The following DOK5 variants were observed in gnomAD, a reference collection of about 807,000 sequenced individuals.
DOK5 encodes the protein docking protein 5.
DOK5 carries 27 observed loss-of-function variants against 43.3 expected under a neutral mutation model. The ratio of observed to expected loss-of-function variants is 0.62; its 90% confidence interval spans 0.46 to 0.86. The LOEUF (loss-of-function observed/expected upper bound fraction) is 0.86. DOK5 is among the 40% of genes least tolerant of loss of function. DOK5 has a pLI of 0.00. For missense variants in DOK5, 373 were observed against 392.9 expected, an observed-to-expected ratio of 0.95 and a Z score of 0.43; for synonymous variants, 146 against 140.1, an observed-to-expected ratio of 1.04 and a Z score of -0.30.
chr20:54,479,776 A>G (rs1271680953), intron 1 of DOK5, among the ~76,000 whole-genome samples: 1 of 152,114 alleles, frequency 6.6e-6, no homozygotes, highest in Non-Finnish European at 1.5e-5. Flanking sequence ...TGGATGACTC[A>G]CAGACCTGCT....
intron 6 of DOK5, among the ~76,000 whole-genome samples, chr20:54,637,855 G>A (rs1264295841): frequency 2.6e-5 from 4 of 152,314 alleles, no homozygotes; most frequent in Non-Finnish European, 4.4e-5. Flanking sequence ...GGGCGCGGTG[G>A]CTCACGCCTG....
chr20:54,620,262 A>G (rs1447532318), intron 6 of DOK5, among the ~76,000 whole-genome samples: 1 of 152,180 alleles, frequency 6.6e-6, no homozygotes, highest in African/African-American at 2.4e-5. Flanking sequence ...ATTTTGAGAC[A>G]GAGTCTTGCT....
At position 54,643,563 on chromosome 20, in the gene DOK5, C is replaced by G. The variant is rs1979228426; in HGVS notation, c.841C>G (p.Leu281Val). Reference protein sequence around the residue: ...HITRQHSTGQLYRLQDVSSPL... With the variant: ...HITRQHSTGQVYRLQDVSSPL... The stretch of plus-strand genomic sequence containing the variant: ...CACACGGCAGCACAGCACGGGACAG[C>G]TCTACCGCTTGCAAGGTAAGCGTGG... The change falls in exon 7 of 8, where the codon CTC becomes GTC. Residue 281 changes from leucine to valine, a missense_variant. Coordinates refer to ENST00000262593, the MANE Select transcript of DOK5 (RefSeq NM_018431.5). 2 of 1,612,940 alleles carry G rather than the reference C, an allele frequency of 1.2e-6. No homozygotes were observed. Among genetic ancestry groups the G allele is most frequent in the Non-Finnish European group, 1.7e-6 (2 of 1,179,964 alleles).
chr20:54,601,782 C>A (rs1986305916), intron 5 of DOK5, among the ~76,000 whole-genome samples: 1 of 152,238 alleles, frequency 6.6e-6, no homozygotes, highest in Non-Finnish European at 1.5e-5. Context: ...ATAAGGTGTG[C>A]TAATCCTCCA....
chr20:54,589,294 C>A (rs1030081756), intron 4 of DOK5, among the ~76,000 whole-genome samples: 5 of 151,986 alleles, frequency 3.3e-5, no homozygotes, highest in Admixed American at 6.6e-5. Flanking sequence ...TTTGGTCATG[C>A]CTTTTTCACT....
intron 1 of DOK5, among the ~76,000 whole-genome samples, chr20:54,514,384 A>T (rs1462118015): frequency 6.6e-6 from 1 of 152,204 alleles, no homozygotes; most frequent in Non-Finnish European, 1.5e-5. Context: ...GTTTTCAGAC[A>T]GAAGAGGAAT....
intron 6 of DOK5, among the ~76,000 whole-genome samples, chr20:54,622,108 C>A (rs968616597): frequency 1.3e-5 from 2 of 151,778 alleles, no homozygotes; most frequent in Non-Finnish European, 2.9e-5. Context: ...GCAGGAGTAT[C>A]GCTTGAACCC....
chr20:54,650,619 A>T lies in DOK5; in HGVS notation c.*140A>T. On this transcript the variant is annotated 3_prime_UTR_variant, in exon 8 of 8. Coordinates refer to ENST00000262593, the MANE Select transcript of DOK5 (RefSeq NM_018431.5). The stretch of plus-strand genomic sequence containing the variant: ...TGGCTAATTGTGTGGTCATTGGAAA[A>T]CTCTGCAATACAATAATTTTCTTTA... 8 of 620,612 alleles carry T rather than the reference A, an allele frequency of 1.3e-5. No individual in the cohort carries two copies. Among genetic ancestry groups the T allele is most frequent in the Non-Finnish European group, 1.6e-5 (6 of 372,048 alleles). 38.4% of individuals were successfully genotyped at this position (620,612 alleles called of 1,614,324 possible). A position where few individuals can be genotyped will look rare whatever the true frequency, so the allele number is the denominator to read the frequency against.
intron 6 of DOK5, among the ~76,000 whole-genome samples, chr20:54,628,580 G>A (rs998297397): frequency 1.3e-5 from 2 of 152,030 alleles, no homozygotes; most frequent in Non-Finnish European, 2.9e-5. Flanking sequence ...TCAGCACGTG[G>A]TTGCCCCACG....
intron 2 of DOK5, among the ~76,000 whole-genome samples, chr20:54,576,893 G>A (rs978600680): frequency 1.8e-4 from 27 of 152,098 alleles, no homozygotes; most frequent in African/African-American, 6.0e-4. Flanking sequence ...TCGTTTTTTC[G>A]CATTTCCAAG....
chr20:54,496,824 C>A (rs1398755895), intron 1 of DOK5, among the ~76,000 whole-genome samples: 1 of 146,080 alleles, frequency 6.8e-6, no homozygotes, highest in African/African-American at 2.5e-5. Context: ...ATTTAGAGTA[C>A]AGAGAGATTC....
chr20:54,554,230 G>T (rs543016637), intron 1 of DOK5, among the ~76,000 whole-genome samples: 1 of 152,158 alleles, frequency 6.6e-6, no homozygotes, highest in Admixed American at 6.5e-5. Flanking sequence ...AGATTGTGAA[G>T]AACTAAAATG....
chr20:54,604,860 GC>G (rs1436318809), intron 5 of DOK5, among the ~76,000 whole-genome samples: 1 of 151,934 alleles, frequency 6.6e-6, no homozygotes, highest in African/African-American at 2.4e-5. Flanking sequence ...AATTACCCAG[GC>G]GTGGTGGCAG....
chr20:54,602,702 T>A (rs1302297872), intron 5 of DOK5, among the ~76,000 whole-genome samples: 1 of 152,164 alleles, frequency 6.6e-6, no homozygotes, highest in Non-Finnish European at 1.5e-5. Flanking sequence ...TTAGATGGAA[T>A]CTCTCTCTGT....
intron 1 of DOK5, among the ~76,000 whole-genome samples, chr20:54,531,977 GC>G (rs1409829665): frequency 6.6e-6 from 1 of 152,138 alleles, no homozygotes; most frequent in Non-Finnish European, 1.5e-5. Flanking sequence ...GATGAGAGGG[GC>G]CTCTCATGTA....
chr20:54,616,249 G>A (rs73279042), intron 6 of DOK5, among the ~76,000 whole-genome samples: 6,571 of 152,218 alleles, frequency 0.043, 487 homozygotes, highest in African/African-American at 0.15. Context: ...TTTGGAACAG[G>A]TGTGCTGACA....
intron 1 of DOK5, among the ~76,000 whole-genome samples, chr20:54,507,312 C>T (rs965015808): frequency 3.9e-5 from 6 of 152,038 alleles, no homozygotes; most frequent in Non-Finnish European, 7.4e-5. Context: ...TAATTAGAGG[C>T]CACATGTGAG....
rs529282703 is a variant in DOK5, at chr20:54,571,636, G to A, written c.174+16596G>A. ...CATTGCCAAGTATCTCTGGGGAAGGGGGGTGGGCAAAATCTTCCCCAGACT... is the reference window on the plus strand; with the variant it reads ...CATTGCCAAGTATCTCTGGGGAAGGAGGGTGGGCAAAATCTTCCCCAGACT... On this transcript the variant is annotated intron_variant, in intron 2 of 7. Transcript: ENST00000262593. 1.4e-4 allele frequency among the ~76,000 whole-genome samples: 22 copies of A among 152,220 alleles called. 1 individual carries two copies. In the South Asian group the frequency reaches 3.5e-3, roughly 24 times the overall value.
chr20:54,621,682 C>T (rs1259885781), intron 6 of DOK5, among the ~76,000 whole-genome samples: 1 of 148,970 alleles, frequency 6.7e-6, no homozygotes, highest in Non-Finnish European at 1.5e-5. Flanking sequence ...GAACGAGACT[C>T]GGCCTCAAAA....
Sources: gnomAD v4.1 joint callset for allele counts (sites outside exome capture counted in the v4.1 genomes callset) on GRCh38, gnomAD v4.1.1 for gene constraint, MANE v1.5 for transcripts, NCBI Gene and HGNC (gene_info 2026-07-23, HGNC 2026-07-21) for gene names.